Variants in CSMD1 observed in about 807,000 individuals in gnomAD.
CSMD1 encodes the protein CUB and sushi domain-containing protein 1.
In CSMD1, 213 loss-of-function variants were observed where a neutral mutation model predicts 417.5. The observed-to-expected ratio is 0.51, with a 90% CI of 0.46 to 0.57. The LOEUF is 0.57. CSMD1 is among the 20% of genes least tolerant of loss of function. The pLI is 0.00. For synonymous variants in CSMD1, 2,862 were observed against 1,736.8 expected (o/e 1.65, Z -16.11); for missense variants, 6,923 against 4,529.7 (o/e 1.53, Z -15.17).
At chr8:3,824,181 G>C (rs893928936) in intron 5 of CSMD1, among the ~76,000 whole-genome samples, 2 of 151,848 alleles carry the variant, frequency 1.3e-5, no homozygotes, top group African/African-American at 2.4e-5. Context: ...TATAGCTTTG[G>C]AGATGATGAC....
At chr8:3,994,822 G>A (rs978008331) in intron 5 of CSMD1, among the ~76,000 whole-genome samples, 1 of 152,148 alleles carries the variant, frequency 6.6e-6, no homozygotes, top group African/African-American at 2.4e-5. Context: ...ATGAAAATAA[G>A]GCTAATCCTA....
intron 2 of CSMD1, among the ~76,000 whole-genome samples, chr8:4,427,668 G>C (rs1303219925): frequency 6.6e-6 from 1 of 152,082 alleles, no homozygotes; most frequent in East Asian, 1.9e-4. Context: ...TTTGGCCTCA[G>C]AAAATAGTAC....
intron 3 of CSMD1, among the ~76,000 whole-genome samples, chr8:4,304,040 G>C (rs1000542935): frequency 3.9e-5 from 6 of 152,148 alleles, no homozygotes; most frequent in African/African-American, 1.4e-4. Context: ...AAGCAGTGAT[G>C]AGAGAACCAG....
intron 18 of CSMD1, among the ~76,000 whole-genome samples, chr8:3,382,050 G>A (rs1465756916): frequency 1.3e-5 from 2 of 152,200 alleles, no homozygotes; most frequent in South Asian, 2.1e-4. Flanking sequence ...CTGAGGTCAG[G>A]AGTTCGAGAC....
At chr8:3,666,400 G>T (rs1408103036) in intron 7 of CSMD1, among the ~76,000 whole-genome samples, 2 of 152,122 alleles carry the variant, frequency 1.3e-5, no homozygotes, top group African/African-American at 4.8e-5. Context: ...TTAAAAATTT[G>T]AAAATATCTG....
At chr8:3,330,920 G>C (rs906066343) in intron 23 of CSMD1, among the ~76,000 whole-genome samples, 1 of 152,102 alleles carries the variant, frequency 6.6e-6, no homozygotes, top group Non-Finnish European at 1.5e-5. Flanking sequence ...CCACGTATGA[G>C]AGATGACATC....
intron 62 of CSMD1, among the ~76,000 whole-genome samples, chr8:2,960,003 T>A (rs1307719774): frequency 1.3e-5 from 2 of 152,210 alleles, no homozygotes; most frequent in African/African-American, 4.8e-5. Context: ...TGTCATATGA[T>A]AGGTTATAGA....
intron 3 of CSMD1, among the ~76,000 whole-genome samples, chr8:4,327,791 C>A (rs975473985): frequency 6.6e-6 from 1 of 152,138 alleles, no homozygotes; most frequent in Non-Finnish European, 1.5e-5. Context: ...CCAAATGTAA[C>A]TTTTCTTGCT....
intron 26 of CSMD1, among the ~76,000 whole-genome samples, chr8:3,269,689 G>T (rs1801696769): frequency 6.6e-6 from 1 of 152,174 alleles, no homozygotes; most frequent in South Asian, 2.1e-4. Context: ...CCAGAGTAAA[G>T]GTCAGCTTTG....
At chr8:3,340,875 A>G (rs1426418817) in intron 23 of CSMD1, among the ~76,000 whole-genome samples, 1 of 152,180 alleles carries the variant, frequency 6.6e-6, no homozygotes, top group Non-Finnish European at 1.5e-5. Context: ...TGGAACAGAA[A>G]GGTGAAACAG....
chr8:3,950,780 A>T (rs559804188), intron 5 of CSMD1, among the ~76,000 whole-genome samples: 61 of 152,320 alleles, frequency 4.0e-4, no homozygotes, highest in African/African-American at 1.4e-3. Flanking sequence ...CAAACAGTAC[A>T]TGGTATAAAC....
chr8:4,308,809 C>T (rs899317937), intron 3 of CSMD1, among the ~76,000 whole-genome samples: 11 of 152,244 alleles, frequency 7.2e-5, no homozygotes, highest in Admixed American at 1.3e-4. Context: ...AGTTATTATG[C>T]TATTGTTTCC....
At chr8:4,252,606 C>A (rs565341141) in intron 3 of CSMD1, among the ~76,000 whole-genome samples, 2 of 152,296 alleles carry the variant, frequency 1.3e-5, no homozygotes, top group South Asian at 4.1e-4. Flanking sequence ...AATCTTCATT[C>A]ATTATAGAAC....
intron 2 of CSMD1, among the ~76,000 whole-genome samples, chr8:4,546,811 TTTATAA>T (rs1276985383): frequency 2.2e-4 from 33 of 151,864 alleles, no homozygotes; most frequent in Admixed American, 1.3e-3. Context: ...CATAGTTATA[TTTATAA>T]TTATAATATT....
rs142833384 is a variant in CSMD1, at chr8:3,711,476, T to A, written c.932-2985A>T. 3.8e-3 allele frequency among the ~76,000 whole-genome samples: 586 copies of A among 152,302 alleles called. 7 individuals are homozygous for A. The highest frequency in any genetic ancestry group is 0.013 in the African/African-American group (550 of 41,566). ...AGGTCCAACCCCAACCAAAGGGCGC[T>A]GGTTCATGAACGTCCTGCACTACGG... On this transcript the variant is annotated intron_variant, in intron 6 of 69. Coordinates refer to ENST00000635120, the MANE Select transcript of CSMD1 (RefSeq NM_033225.6).
At position 4,478,116 on chromosome 8, in the gene CSMD1, T is replaced by TA. The variant is rs1800899877; in HGVS notation, c.303-58052dup. Among the ~76,000 whole-genome samples, 3 of 152,328 alleles carry TA rather than the reference T, an allele frequency of 2.0e-5. No homozygotes were observed. The South Asian group carries it at 6.2e-4, about 32-fold the overall frequency. On this transcript the variant is annotated intron_variant, in intron 2 of 69. Transcript: ENST00000635120. Reference sequence around the variant, plus strand: ...GGCCATAAGACCTACCCCTGGCTGTTACGTTCACAGGCCTAGTGCCTGTAA... The same window carrying TA: ...GGCCATAAGACCTACCCCTGGCTGTTAACGTTCACAGGCCTAGTGCCTGTAA...
chr8:3,373,950 CTAT>C (rs1428310758), intron 18 of CSMD1, among the ~76,000 whole-genome samples: 6 of 88,632 alleles, frequency 6.8e-5, no homozygotes, highest in African/African-American at 2.7e-4. Context: ...AAGCATCCAA[CTAT>C]TTTTTTTTTT....
intron 55 of CSMD1, among the ~76,000 whole-genome samples, chr8:2,976,976 T>C (rs988198115): frequency 1.3e-5 from 2 of 152,068 alleles, no homozygotes; most frequent in African/African-American, 4.8e-5. Flanking sequence ...CACATCCATT[T>C]TTCAGAGCCA....
At chr8:4,110,860 C>T (rs1288057198) in intron 3 of CSMD1, among the ~76,000 whole-genome samples, 1 of 151,800 alleles carries the variant, frequency 6.6e-6, no homozygotes, top group Non-Finnish European at 1.5e-5. Flanking sequence ...GACTTTTTTC[C>T]TTGAAGAGTA....
Sources: gnomAD v4.1 joint callset for allele counts (sites outside exome capture counted in the v4.1 genomes callset) on GRCh38, gnomAD v4.1.1 for gene constraint, MANE v1.5 for transcripts, NCBI Gene and HGNC (gene_info 2026-07-23, HGNC 2026-07-21) for gene names.